ENOX1: variants seen among roughly 807,000 people sequenced by gnomAD.
ENOX1 encodes the protein candidate growth-related and time keeping constitutive hydroquinone (NADH) oxidase.
In ENOX1, 42 loss-of-function variants were observed where a neutral mutation model predicts 82.5. The ratio of observed to expected loss-of-function variants is 0.51; its 90% CI spans 0.40 to 0.66. The LOEUF (loss-of-function observed/expected upper bound fraction) is 0.66, where lower values mean the gene tolerates loss of function less well. ENOX1 is among the 30% of genes least tolerant of loss of function. The probability of loss-of-function intolerance (pLI) is 0.00; values close to 1 mark genes in which losing one functional copy is unlikely to be tolerated. For missense variants in ENOX1, 608 were observed against 811.6 expected (o/e 0.75, Z 3.05); for synonymous variants, 271 against 282.2 (o/e 0.96, Z 0.40).
At chr13:43,690,390 A>G (rs1566776761) in intron 1 of ENOX1, among the ~76,000 whole-genome samples, 1 of 152,062 alleles carries the variant, frequency 6.6e-6, no homozygotes, top group Non-Finnish European at 1.5e-5. Context: ...CCAAGTGACT[A>G]TTTATAAGTC....
chr13:43,575,853 G>A (rs2080398675), intron 2 of ENOX1, among the ~76,000 whole-genome samples: 2 of 152,200 alleles, frequency 1.3e-5, no homozygotes, highest in Admixed American at 6.5e-5. Flanking sequence ...TGGTGACAAG[G>A]GATGATGTTC....
intron 2 of ENOX1, among the ~76,000 whole-genome samples, chr13:43,644,179 G>A (rs1321925232): frequency 6.6e-6 from 1 of 152,202 alleles, no homozygotes; most frequent in African/African-American, 2.4e-5. Context: ...ACCAGCACTT[G>A]TGATAGAAAG....
At chr13:43,771,723 C>T (rs1367108777) in intron 1 of ENOX1, among the ~76,000 whole-genome samples, 2 of 151,896 alleles carry the variant, frequency 1.3e-5, no homozygotes, top group Non-Finnish European at 2.9e-5. Flanking sequence ...CCAAAAAGTT[C>T]TCAAAAACTC....
rs1048761890 is a variant in ENOX1, at chr13:43,767,957, G to A, written c.-285+18695C>T. 7.9e-5 allele frequency among the ~76,000 whole-genome samples: 12 copies of A among 151,700 alleles called. No homozygotes were observed. In the South Asian group the frequency reaches 1.9e-3, roughly 24 times the overall value. ...AGGAGGGAGAGAGACTAAGAGAGTC[G>A]GGGGGGAGCGGAGGGGGGCTTCTTT... On this transcript the variant is annotated intron_variant, in intron 1 of 16. Transcript: ENST00000690772.
chr13:43,405,467 T>C (rs1938618110), intron 5 of ENOX1, among the ~76,000 whole-genome samples: 1 of 152,136 alleles, frequency 6.6e-6, no homozygotes, highest in South Asian at 2.1e-4. Context: ...ACAGGTTTTC[T>C]TTCAACAGGT....
At chr13:43,345,787 C>A (rs2049343158) in intron 8 of ENOX1, among the ~76,000 whole-genome samples, 1 of 152,114 alleles carries the variant, frequency 6.6e-6, no homozygotes, top group Non-Finnish European at 1.5e-5. Flanking sequence ...AAATACCCTA[C>A]ATTTTTACAA....
chr13:43,523,841 A>G (rs985313019), intron 2 of ENOX1, among the ~76,000 whole-genome samples: 2 of 152,116 alleles, frequency 1.3e-5, no homozygotes, highest in Admixed American at 1.3e-4. Context: ...AACACAGAAA[A>G]TGTAGCCACC....
intron 1 of ENOX1, among the ~76,000 whole-genome samples, chr13:43,683,685 G>A (rs946105837): frequency 2.6e-5 from 4 of 152,026 alleles, no homozygotes; most frequent in African/African-American, 4.8e-5. Flanking sequence ...CAGCACAGGG[G>A]TATGTGCCCT....
intron 2 of ENOX1, among the ~76,000 whole-genome samples, chr13:43,577,613 C>G (rs2080502677): frequency 6.6e-6 from 1 of 152,144 alleles, no homozygotes; most frequent in African/African-American, 2.4e-5. Context: ...TTTATAACAG[C>G]ACTAACCCAT....
chr13:43,224,178 A>C, intron 15 of ENOX1, 40 bp from the exon 16 acceptor site: 1 of 1,498,296 alleles, frequency 6.7e-7, no homozygotes, highest in Non-Finnish European at 9.3e-7. Flanking sequence ...ATTCAAAGGC[A>C]TATGAGAGTC....
At chr13:43,226,519 C>G (rs2042030538) in intron 15 of ENOX1, among the ~76,000 whole-genome samples, 2 of 152,198 alleles carry the variant, frequency 1.3e-5, no homozygotes. Context: ...AATACTGGAA[C>G]TTAGTCCTTC....
At chr13:43,470,359 TATATACGTATATATATACATATATATAC>T (rs1566307402) in intron 3 of ENOX1, among the ~76,000 whole-genome samples, 6 of 63,738 alleles carry the variant, frequency 9.4e-5, no homozygotes, top group African/African-American at 2.0e-4. Context: ...TATATGTATA[TATATACGTATATATATACATATATATAC>T]GTATATATAT....
At chr13:43,692,034 T>C (rs2086393832) in intron 1 of ENOX1, among the ~76,000 whole-genome samples, 1 of 152,144 alleles carries the variant, frequency 6.6e-6, no homozygotes, top group Admixed American at 6.5e-5. Flanking sequence ...CCAAACACTC[T>C]CTACCTAACT....
intron 14 of ENOX1, among the ~76,000 whole-genome samples, chr13:43,241,754 A>G (rs2042845073): frequency 6.6e-6 from 1 of 152,204 alleles, no homozygotes; most frequent in Admixed American, 6.5e-5. Context: ...AGACTTTTTA[A>G]AAGACTTCTT....
chr13:43,316,862 C>G (rs1184545948), intron 11 of ENOX1, among the ~76,000 whole-genome samples: 1 of 152,018 alleles, frequency 6.6e-6, no homozygotes, highest in Non-Finnish European at 1.5e-5. Context: ...GCAGGCTACT[C>G]AGCCCACCTT....
At chr13:43,382,725 G>A (rs2052140579) in intron 5 of ENOX1, among the ~76,000 whole-genome samples, 1 of 152,144 alleles carries the variant, frequency 6.6e-6, no homozygotes, top group African/African-American at 2.4e-5. Context: ...GATTTCACAA[G>A]TATATACATA....
chr13:43,490,810 C>T (rs894200035), intron 2 of ENOX1, among the ~76,000 whole-genome samples: 3 of 152,166 alleles, frequency 2.0e-5, no homozygotes, highest in Non-Finnish European at 4.4e-5. Flanking sequence ...TTATAAATTA[C>T]CCCATCTATT....
chr13:43,540,477 T>C (rs914710993), intron 2 of ENOX1, among the ~76,000 whole-genome samples: 2 of 152,084 alleles, frequency 1.3e-5, no homozygotes, highest in Non-Finnish European at 2.9e-5. Flanking sequence ...ATTGGCAGCA[T>C]GATAAGACTC....
chr13:43,357,711 C>T (rs1357969116), intron 7 of ENOX1, among the ~76,000 whole-genome samples: 4 of 152,110 alleles, frequency 2.6e-5, no homozygotes, highest in Non-Finnish European at 5.9e-5. Context: ...GCTCCAGAAA[C>T]ACCCTCACTT....
Sources: gnomAD v4.1 joint callset for allele counts (sites outside exome capture counted in the v4.1 genomes callset) on GRCh38, gnomAD v4.1.1 for gene constraint, MANE v1.5 for transcripts, NCBI Gene and HGNC (gene_info 2026-07-23, HGNC 2026-07-21) for gene names.